Variants in UBE3C observed in about 807,000 individuals in gnomAD.
UBE3C encodes the protein ubiquitin protein ligase E3C, also known as ubiquitin-protein ligase E3C.
UBE3C carries 42 observed loss-of-function variants against 129.4 expected under a neutral mutation model. The observed-to-expected ratio is 0.32, with a 90% CI of 0.25 to 0.42. The LOEUF is 0.42. Ranked by LOEUF, UBE3C falls within the 10% of genes least tolerant of loss-of-function variation. UBE3C has a pLI of 1.00. For missense variants in UBE3C, 1,049 were observed against 1,319.1 expected, an observed-to-expected ratio of 0.80 and a Z score of 3.17; for synonymous variants, 510 against 492.4, an observed-to-expected ratio of 1.04 and a Z score of -0.47.
At chr7:157,220,326 GA>G (rs1331677961) in intron 14 of UBE3C, among the ~76,000 whole-genome samples, 6 of 149,308 alleles carry the variant, frequency 4.0e-5, no homozygotes, top group African/African-American at 9.8e-5. Context: ...CAACCAAATT[GA>G]AAAAAAAACT....
At chr7:157,257,073 A>C in intron 22 of UBE3C, 29 bp downstream of exon 22, 2 of 1,612,870 alleles carry the variant, frequency 1.2e-6, no homozygotes, top group Non-Finnish European at 1.7e-6. Context: ...ATTTGCTTTA[A>C]AGACCACTTC....
intron 18 of UBE3C, among the ~76,000 whole-genome samples, chr7:157,237,891 A>AG (rs1796193566): frequency 8.0e-6 from 1 of 125,722 alleles, no homozygotes; most frequent in African/African-American, 4.3e-5. Context: ...TACCACTAAA[A>AG]AAAAAAAAAA....
intron 2 of UBE3C, among the ~76,000 whole-genome samples, chr7:157,166,835 G>T (rs918559489): frequency 1.3e-5 from 2 of 151,824 alleles, no homozygotes; most frequent in Non-Finnish European, 2.9e-5. Flanking sequence ...CTTTGGAGAT[G>T]TCGTATTTCC....
In UBE3C at chr7:157,168,958, C is replaced by T. The variant is rs1203107550; in HGVS notation, c.121-90C>T. 7 of 942,278 alleles carry T rather than the reference C, an allele frequency of 7.4e-6. No homozygotes were observed. The South Asian group carries it at 8.2e-5, about 11-fold the overall frequency. The allele number at this position is 942,278 out of a possible 1,614,324, so 58.4% of individuals were successfully genotyped here. ...ATTTTATGGTATGTGAATTACATAGCTGTTAGTGTTTTTAAAGTCTTTACT... is the reference window on the plus strand; with the variant it reads ...ATTTTATGGTATGTGAATTACATAGTTGTTAGTGTTTTTAAAGTCTTTACT... On this transcript the variant is annotated intron_variant, in intron 2 of 22. Coordinates refer to ENST00000348165, the MANE Select transcript of UBE3C (RefSeq NM_014671.3).
chr7:157,202,514 G>A (rs1438104420), intron 11 of UBE3C, among the ~76,000 whole-genome samples: 6 of 152,166 alleles, frequency 3.9e-5, no homozygotes, highest in South Asian at 2.1e-4. Flanking sequence ...AAAATTAGTC[G>A]GGCATGGTGG....
chr7:157,251,865 T>G (rs1256313163), intron 19 of UBE3C, among the ~76,000 whole-genome samples: 3 of 152,208 alleles, frequency 2.0e-5, no homozygotes. Context: ...CTGGGCGCAG[T>G]GGCTCACGGC....
chr7:157,259,096 C>CG (rs1235797046), intron 22 of UBE3C, among the ~76,000 whole-genome samples: 1 of 152,362 alleles, frequency 6.6e-6, no homozygotes, highest in African/African-American at 2.4e-5. Context: ...AATCCACTGG[C>CG]TGCACAGTGT....
chr7:157,246,402 T>C (rs995916709), intron 18 of UBE3C, among the ~76,000 whole-genome samples: 3 of 152,210 alleles, frequency 2.0e-5, no homozygotes, highest in African/African-American at 4.8e-5. Context: ...TCCCATGTTA[T>C]TAATTCACAC....
At chr7:157,255,737 A>G (rs1796735128) in intron 21 of UBE3C, among the ~76,000 whole-genome samples, 3 of 152,198 alleles carry the variant, frequency 2.0e-5, no homozygotes, top group African/African-American at 2.4e-5. Flanking sequence ...TATATTAACA[A>G]TGAGGGAACA....
chr7:157,252,914 T>C (rs1246693481), intron 19 of UBE3C, among the ~76,000 whole-genome samples: 2 of 152,250 alleles, frequency 1.3e-5, no homozygotes, highest in Non-Finnish European at 2.9e-5. Flanking sequence ...TTTTTTTGTT[T>C]TGTTTTAGAA....
rs1245264764 is a variant in UBE3C at position 157,183,943 on chromosome 7, C to G, written c.1057C>G (p.Pro353Ala). Residue 353 changes from proline (P) to alanine (A), a missense_variant, in exon 9 of 23, where the codon CCA becomes GCA. Pro to Ala is a conservative substitution (Grantham distance 27). Around this residue, in one of 4 missense-constraint regions of UBE3C, gnomAD observed 489 missense variants for 513.8 expected, o/e 0.95. Transcript: ENST00000348165. Reference sequence around the variant, plus strand: ...GCTGCAGACCTTCCTCTCTCAGTTACCAGTCTCTCCTGCCAGCGCGAGCTG... The same window carrying G: ...GCTGCAGACCTTCCTCTCTCAGTTAGCAGTCTCTCCTGCCAGCGCGAGCTG... ...RVLQTFLSQL[P>A]VSPASASCHD... is the part of the protein sequence containing the mutation. 6.2e-7 allele frequency: 1 copy of G among 1,614,076 alleles called. No homozygotes were observed. Among genetic ancestry groups the G allele is most frequent in the African/African-American group, 1.3e-5 (1 of 74,936 alleles).
In UBE3C at chr7:157,174,980, C is replaced by T; in HGVS notation, c.404C>T (p.Ser135Phe). 1 of 1,613,034 alleles carries T rather than the reference C, an allele frequency of 6.2e-7. No homozygotes were observed. Among genetic ancestry groups the T allele is most frequent in the Non-Finnish European group, 8.5e-7 (1 of 1,179,632 alleles). ...SSLFVKQLDG[S>F]ERLTCLFQIK... ...CTGTTTGTCAAGCAGTTGGATGGAT[C>T]TGAGAGACTTACATGCTTATTTCAG... Residue 135 changes from serine (S) to phenylalanine (F), a missense_variant, in exon 5 of 23, where the codon TCT (serine) becomes TTT (phenylalanine). Ser to Phe is a radical substitution (Grantham distance 155). Around this residue, in one of 4 missense-constraint regions of UBE3C, gnomAD observed 489 missense variants for 513.8 expected, o/e 0.95. Coordinates refer to ENST00000348165, the MANE Select transcript of UBE3C (RefSeq NM_014671.3).
chr7:157,225,901 C>CT (rs557794847), intron 17 of UBE3C, among the ~76,000 whole-genome samples: 183 of 152,284 alleles, frequency 1.2e-3, no homozygotes, highest in Non-Finnish European at 2.2e-3. Context: ...CAGTCGAACT[C>CT]TGATTGTGCT....
intron 18 of UBE3C, among the ~76,000 whole-genome samples, chr7:157,238,495 G>A (rs533663587): frequency 3.2e-4 from 49 of 152,272 alleles, no homozygotes; most frequent in African/African-American, 9.9e-4. Context: ...TGGGATGTGT[G>A]AGGACAGGAG....
intron 11 of UBE3C, among the ~76,000 whole-genome samples, chr7:157,203,405 GT>G (rs985302643): frequency 6.6e-6 from 1 of 151,750 alleles, no homozygotes; most frequent in Admixed American, 6.6e-5. Context: ...GTTTTGTTGT[GT>G]TTTTTTTGGT....
rs1310874029 is a variant in UBE3C at position 157,197,911 on chromosome 7, T to C, written c.1332-3810T>C. 17 of 1,604,218 alleles carry C rather than the reference T, an allele frequency of 1.1e-5. No individual in the cohort carries two copies. The Admixed American group carries it at 2.8e-4, about 27-fold the overall frequency. On this transcript the variant is annotated intron_variant, in intron 10 of 22. Coordinates refer to ENST00000348165, the MANE Select transcript of UBE3C (RefSeq NM_014671.3). ...TCTGGAGAGGAAGGTGTACTGACTA[T>C]TTCAGGTGTAAGCCTTCCAAGTTTT...
At chr7:157,140,172 A>G (rs556668655) in intron 1 of UBE3C, among the ~76,000 whole-genome samples, 1 of 79,864 alleles carries the variant, frequency 1.3e-5, no homozygotes, top group Non-Finnish European at 2.5e-5. Context: ...CTCCCTTCCC[A>G]CCCCTTCCCA....
At chr7:157,140,696 C>T (rs1807418975) in intron 1 of UBE3C, among the ~76,000 whole-genome samples, 1 of 152,154 alleles carries the variant, frequency 6.6e-6, no homozygotes, top group South Asian at 2.1e-4. Flanking sequence ...TTACACAGCG[C>T]CGCGCGGCCT....
intron 1 of UBE3C, among the ~76,000 whole-genome samples, chr7:157,144,076 G>T (rs1299447228): frequency 1.3e-5 from 2 of 152,204 alleles, no homozygotes; most frequent in Non-Finnish European, 2.9e-5. Context: ...ATATTCTGTA[G>T]GGTAGTCAGA....
Sources: gnomAD v4.1 joint callset for allele counts (sites outside exome capture counted in the v4.1 genomes callset) on GRCh38, gnomAD v4.1.1 for gene constraint, gnomAD v4.1.1 regional missense constraint, MANE v1.5 for transcripts, NCBI Gene and HGNC (gene_info 2026-07-23, HGNC 2026-07-21) for gene names.